PAN2: variants seen among roughly 807,000 people sequenced by gnomAD.
The protein encoded by PAN2 is poly(A) specific ribonuclease subunit PAN2, also known as PAN2-PAN3 deadenylation complex catalytic subunit PAN2.
A neutral mutation model predicts 133.3 loss-of-function variants in PAN2; 68 were observed. The observed-to-expected ratio is 0.51, with a 90% CI of 0.42 to 0.62. PAN2 has a LOEUF of 0.62. Among genes scored for constraint, PAN2 ranks in the 20% least tolerant of loss-of-function variants. The probability of loss-of-function intolerance (pLI) is 0.00; values close to 1 mark genes in which losing one functional copy is unlikely to be tolerated. For missense variants in PAN2, 1,042 were observed against 1,500.5 expected (o/e 0.69, Z 5.05); for synonymous variants, 462 against 544.6 (o/e 0.85, Z 2.11).
chr12:56,329,264 A>C (rs1162325436), intron 2 of PAN2, among the ~76,000 whole-genome samples: 2 of 152,152 alleles, frequency 1.3e-5, no homozygotes, highest in Admixed American at 1.3e-4. Flanking sequence ...ACCAAGCCAT[A>C]TATCTGACAG....
Position 56,319,578 on chromosome 12 carries a change from A to G in PAN2, c.3090+43T>C, listed in dbSNP as rs981541093. ...CCCTGGGTTCTTGAGCACTGTAAGT[A>G]AGCACCAGGGTGTGCCTCACTTGCA... On this transcript the variant is annotated intron_variant, in intron 22 of 25. Transcript: ENST00000440411. The surrounding 1 kb of genome is among the most constrained non-coding windows in gnomAD (Gnocchi z 5.4). The G allele has an allele frequency of 6.3e-7, 1 of 1,590,310 alleles. No individual in the cohort carries two copies. Among genetic ancestry groups the G allele is most frequent in the Admixed American group, 1.7e-5 (1 of 57,386 alleles).
Position 56,327,511 on chromosome 12 carries a change from G to A in PAN2, c.772C>T (p.Leu258Phe). Reference protein sequence around the residue: ...LLAACGFSSRLTGLACDRFLK... With the variant: ...LLAACGFSSRFTGLACDRFLK... ...AAACGGTCGCAGGCCAGGCCAGTGAGGCGGCTGGAGAAGCCACAGGCAGCT... is the reference window on the plus strand; with the variant it reads ...AAACGGTCGCAGGCCAGGCCAGTGAAGCGGCTGGAGAAGCCACAGGCAGCT... Residue 258 changes from leucine (L) to phenylalanine (F), a missense_variant, in exon 6 of 26, where the codon CTC becomes TTC. Around this residue, in one of 3 missense-constraint regions of PAN2, gnomAD observed 908 missense variants for 1,223.5 expected, o/e 0.74. Transcript: ENST00000440411. The A allele has an allele frequency of 6.2e-7, 1 of 1,614,220 alleles. No individual in the cohort carries two copies. Among genetic ancestry groups the A allele is most frequent in the Non-Finnish European group, 8.5e-7 (1 of 1,180,058 alleles).
At chr12:56,327,021 C>G in intron 6 of PAN2, 62 bp from the exon 7 acceptor site, 2 of 1,327,444 alleles carry the variant, frequency 1.5e-6, no homozygotes, top group Non-Finnish European at 2.1e-6. Context: ...ATTCTTATGC[C>G]CTTCCTATCC....
rs1876195044 is a variant in PAN2, at chr12:56,333,902, T to G, written c.-155A>C. The G allele has an allele frequency of 1.3e-5, 2 of 152,168 alleles. No individual in the cohort carries two copies. The highest frequency in any genetic ancestry group is 2.4e-5 in the African/African-American group (1 of 41,414). The allele number at this position is 152,168 out of a possible 1,614,324, so 9.4% of individuals were successfully genotyped here. ...GCGGATATTTTGGAGCGCGTGGAAT[T>G]AGAACGAGTAGGGGGAGCGCAAGCG... On this transcript the variant is annotated 5_prime_UTR_variant, in exon 1 of 26. Coordinates refer to ENST00000440411, the MANE Select transcript of PAN2 (RefSeq NM_014871.6).
intron 20 of PAN2, among the ~76,000 whole-genome samples, chr12:56,320,298 A>T (rs1311790833): frequency 1.3e-5 from 2 of 152,172 alleles, no homozygotes; most frequent in Admixed American, 1.3e-4. Flanking sequence ...ATCCAGAAAA[A>T]GGTTACAGAG....
chr12:56,330,663 TTTTTC>T (rs1875724522), intron 2 of PAN2, among the ~76,000 whole-genome samples: 1 of 151,884 alleles, frequency 6.6e-6, no homozygotes. Flanking sequence ...CCGGCCTGTA[TTTTTC>T]TTTTAATAGA....
intron 12 of PAN2, 21 bp downstream of exon 12, chr12:56,324,273 A>G (rs1874879313): frequency 6.2e-7 from 1 of 1,612,456 alleles, no homozygotes; most frequent in Admixed American, 1.7e-5. Context: ...GGCTTTAACT[A>G]TTTCTATCCT....
Position 56,319,951 on chromosome 12 carries a change from A to G in PAN2, c.2859T>C (p.His953=), listed in dbSNP as rs1421009989. 5 of 1,614,074 alleles carry G rather than the reference A, an allele frequency of 3.1e-6. No individual in the cohort carries two copies. In the African/African-American group the frequency reaches 5.3e-5, roughly 17 times the overall value. ...ASLARKQRKT[H]TTFIPLMLNE... ...TCAGCATCAGTGGAATAAAGGTAGT[A>G]TGTGTTTTCCGCTGCTTCCGTGCCA... The change falls in exon 21 of 26, where the codon CAT becomes CAC. Residue 953 remains histidine, a synonymous_variant. Transcript: ENST00000440411. This position sits in a 1 kb window ranked among gnomAD's most constrained non-coding sequence, Gnocchi z 5.4.
rs1875175674 is a variant in PAN2 at position 56,326,800 on chromosome 12, G to GA, written c.1078dup (p.Ser360PhefsTer12). On this transcript the variant is annotated frameshift_variant, in exon 7 of 26. Coordinates refer to ENST00000440411, the MANE Select transcript of PAN2 (RefSeq NM_014871.6). LOFTEE classifies it high-confidence loss of function. ...GTAGGGGTTGAAGGAAGGCTCCGGGGAATCAGTCCAGAGGTGCACACAGCC... is the reference window on the plus strand; with the variant it reads ...GTAGGGGTTGAAGGAAGGCTCCGGGGAAATCAGTCCAGAGGTGCACACAGCC... The GA allele has an allele frequency of 6.2e-7, 1 of 1,614,096 alleles. No individual in the cohort carries two copies. Among genetic ancestry groups the GA allele is most frequent in the African/African-American group, 1.3e-5 (1 of 74,936 alleles).
chr12:56,322,359 C>G, intron 19 of PAN2, 64 bp downstream of exon 19: 2 of 1,349,376 alleles, frequency 1.5e-6, no homozygotes, highest in Non-Finnish European at 2.1e-6. Flanking sequence ...TCTATAGAGC[C>G]CTAAAGATAA....
intron 2 of PAN2, among the ~76,000 whole-genome samples, chr12:56,331,838 C>T (rs899629470): frequency 2.0e-5 from 3 of 152,016 alleles, no homozygotes; most frequent in Admixed American, 6.6e-5. Context: ...CTCAGCCTTC[C>T]GAGTAGCTGG....
intron 24 of PAN2, 75 bp from the exon 25 acceptor site, chr12:56,318,509 A>C: frequency 1.8e-6 from 2 of 1,122,134 alleles, no homozygotes; most frequent in Non-Finnish European, 2.6e-6. Flanking sequence ...CTCCTACCTG[A>C]CTCCAGAAAA....
Position 56,324,501 on chromosome 12 carries a change from T to A in PAN2, c.1729-8A>T. The A allele has an allele frequency of 6.2e-7, 1 of 1,612,912 alleles. No individual in the cohort carries two copies. The highest frequency in any genetic ancestry group is 8.5e-7 in the Non-Finnish European group (1 of 1,179,138). On this transcript the variant is annotated splice_polypyrimidine_tract_variant and splice_region_variant and intron_variant, in intron 11 of 25. Transcript: ENST00000440411. ...CCGAAGAAAATTATTGCCCTGGAAA[T>A]GTGTTGGTGGAAAGGGGTTATTTTG...
Position 56,323,107 on chromosome 12 carries a change from G to C in PAN2, c.2448C>G (p.Asn816Lys), listed in dbSNP as rs2135965935. 6.2e-7 allele frequency: 1 copy of C among 1,613,994 alleles called. No homozygotes were observed. Among genetic ancestry groups the C allele is most frequent in the Non-Finnish European group, 8.5e-7 (1 of 1,180,014 alleles). The change falls in exon 17 of 26, where the codon AAC (asparagine) becomes AAG (lysine). Residue 816 changes from asparagine to lysine, a missense_variant. Asn to Lys is a moderately conservative substitution (Grantham distance 94). Coordinates refer to ENST00000440411, the MANE Select transcript of PAN2 (RefSeq NM_014871.6). ...TCCAATTGCAAACATCCAGCCCTTT[G>C]TTTTTGGTCATCTTCATGCGAATGG... ...PFSIRMKMTK[N>K]KGLDVCNWTD...
intron 25 of PAN2, 147 bp downstream of exon 25, chr12:56,318,090 T>C: frequency 1.5e-6 from 1 of 667,472 alleles, no homozygotes; most frequent in East Asian, 2.6e-5. Flanking sequence ...GGTGGGAGAA[T>C]CACTTGAGCC....
chr12:56,327,245 A>G, intron 6 of PAN2, 119 bp downstream of exon 6: 2 of 1,108,532 alleles, frequency 1.8e-6, no homozygotes, highest in South Asian at 3.0e-5. Context: ...AAACCTTGGG[A>G]CCCTGATGAA....
intron 19 of PAN2, 56 bp from the exon 20 acceptor site, chr12:56,322,224 C>A: frequency 8.1e-7 from 1 of 1,230,854 alleles, no homozygotes; most frequent in African/African-American, 1.5e-5. Flanking sequence ...TCCTTTTCCC[C>A]CACTTCAGAC....
chr12:56,318,457 A>G, intron 24 of PAN2, 23 bp from the exon 25 acceptor site: 1 of 1,593,804 alleles, frequency 6.3e-7, no homozygotes, highest in Non-Finnish European at 8.6e-7. Flanking sequence ...AAGGTGGAAT[A>G]GTTTGGGACC....
intron 2 of PAN2, among the ~76,000 whole-genome samples, chr12:56,331,700 G>GTTTTTTTT (rs67869491): frequency 1.6e-5 from 2 of 125,328 alleles, no homozygotes. Context: ...GAAGGACAGC[G>GTTTTTTTT]TTTTTTTTTT....
Sources: allele counts gnomAD v4.1 joint callset (sites outside exome capture counted in the v4.1 genomes callset), GRCh38; gene constraint gnomAD v4.1.1; regional missense constraint gnomAD v4.1.1; non-coding constraint Gnocchi (gnomAD v3.1); transcripts MANE v1.5; gene names NCBI Gene and HGNC (gene_info 2026-07-23, HGNC 2026-07-21).